Variants in ZNF383 observed in about 807,000 individuals in gnomAD.
ZNF383 encodes zinc finger protein 383.
A neutral mutation model predicts 44.2 loss-of-function variants in ZNF383; 32 were observed. The ratio of observed to expected loss-of-function variants is 0.72; its 90% CI spans 0.55 to 0.97. The LOEUF (loss-of-function observed/expected upper bound fraction) is 0.97, where lower values mean the gene tolerates loss of function less well. Ranked by LOEUF, ZNF383 falls within the 50% of genes least tolerant of loss-of-function variation. The pLI is 0.00. For synonymous variants in ZNF383, 155 were observed against 186.2 expected, an observed-to-expected ratio of 0.83 and a Z score of 1.36; for missense variants, 487 against 562.5, an observed-to-expected ratio of 0.87 and a Z score of 1.36.
chr19:37,228,196 C>T (rs1437023187), intron 2 of ZNF383, among the ~76,000 whole-genome samples: 1 of 152,216 alleles, frequency 6.6e-6, no homozygotes, highest in Non-Finnish European at 1.5e-5. Context: ...CAGGTACTGG[C>T]GTTACCGGTA....
intron 2 of ZNF383, among the ~76,000 whole-genome samples, chr19:37,229,249 G>T (rs1973334884): frequency 6.6e-6 from 1 of 150,406 alleles, no homozygotes. Flanking sequence ...CCACCTCCTG[G>T]GTTCAAGTGA....
chr19:37,221,955 C>CAA (rs71177435), intron 1 of ZNF383, among the ~76,000 whole-genome samples: 2,841 of 93,712 alleles, frequency 0.03, 122 homozygotes, highest in African/African-American at 0.087. Context: ...GACTCTGTCT[C>CAA]AAAAAAAAAA....
chr19:37,248,272 A>C lies in ZNF383; in HGVS notation c.*4608A>C, dbSNP rs1357897692. 6.6e-6 allele frequency: 1 copy of C among 152,248 alleles called. No homozygotes were observed. Among genetic ancestry groups the C allele is most frequent in the Non-Finnish European group, 1.5e-5 (1 of 68,050 alleles). 9.4% of individuals were successfully genotyped at this position (152,248 alleles called of 1,614,324 possible). A position where few individuals can be genotyped will look rare whatever the true frequency, so the allele number is the denominator to read the frequency against. ...CTTAGGAAACTCTTCTAGGACATAG[A>C]CTGAGATAGCAAATTATCTATTTTT... On this transcript the variant is annotated 3_prime_UTR_variant, in exon 6 of 6. Coordinates refer to ENST00000684119, the MANE Select transcript of ZNF383 (RefSeq NM_001387601.1).
chr19:37,247,335 A>T lies in ZNF383; in HGVS notation c.*3671A>T, dbSNP rs915762527. On this transcript the variant is annotated 3_prime_UTR_variant, in exon 6 of 6. Coordinates refer to ENST00000684119, the MANE Select transcript of ZNF383 (RefSeq NM_001387601.1). ...AAAGTTTAGTGATTCCAGAGGTGAA[A>T]TAAGGATGACAAATAAACAATATTG... 1 of 152,218 alleles carries T rather than the reference A, an allele frequency of 6.6e-6. No homozygotes were observed. Among genetic ancestry groups the T allele is most frequent in the African/African-American group, 2.4e-5 (1 of 41,446 alleles). 9.4% of individuals were successfully genotyped at this position (152,218 alleles called of 1,614,324 possible).
chr19:37,244,942 T>G lies in ZNF383; in HGVS notation c.*1278T>G, dbSNP rs1265048203. ...ATTTTTATTATTTTCATGACATATT[T>G]AATGACTTTAAAATGACTATTCCCA... On this transcript the variant is annotated 3_prime_UTR_variant, in exon 6 of 6. Transcript: ENST00000684119. The G allele has an allele frequency of 6.6e-6, 1 of 152,216 alleles. No individual in the cohort carries two copies. The allele number at this position is 152,216 out of a possible 1,614,324, so 9.4% of individuals were successfully genotyped here. A position where few individuals can be genotyped will look rare whatever the true frequency, so the allele number is the denominator to read the frequency against.
intron 1 of ZNF383, among the ~76,000 whole-genome samples, chr19:37,223,723 A>G (rs989640067): frequency 6.6e-6 from 1 of 152,114 alleles, no homozygotes; most frequent in Non-Finnish European, 1.5e-5. Context: ...TATAGCTGTA[A>G]ATGCATATGT....
intron 1 of ZNF383, 73 bp downstream of exon 1, chr19:37,218,347 A>G (rs1423316962): frequency 6.6e-6 from 1 of 152,416 alleles, no homozygotes; most frequent in Non-Finnish European, 1.5e-5. Flanking sequence ...TGTGTCGGGC[A>G]TGTATGAGTT....
intron 3 of ZNF383, among the ~76,000 whole-genome samples, chr19:37,233,384 G>A (rs1016796007): frequency 1.3e-5 from 2 of 151,188 alleles, no homozygotes; most frequent in Non-Finnish European, 2.9e-5. Context: ...GCCTGCCTTG[G>A]CCTCCCAAAG....
At position 37,247,968 on chromosome 19, in the gene ZNF383, CT is replaced by C. The variant is rs1282770543; in HGVS notation, c.*4305del. On this transcript the variant is annotated 3_prime_UTR_variant, in exon 6 of 6. Coordinates refer to ENST00000684119, the MANE Select transcript of ZNF383 (RefSeq NM_001387601.1). Reference sequence around the variant, plus strand: ...TGACCAACATGGAGAAACCCTGTCTCTACTAAAAATACAAAAAATTAGCCGG... The same window carrying C: ...TGACCAACATGGAGAAACCCTGTCTCACTAAAAATACAAAAAATTAGCCGG... The C allele has an allele frequency of 6.6e-6, 1 of 152,062 alleles. No homozygotes were observed. The highest frequency in any genetic ancestry group is 1.5e-5 in the Non-Finnish European group (1 of 68,048). 9.4% of individuals were successfully genotyped at this position (152,062 alleles called of 1,614,324 possible). A position where few individuals can be genotyped will look rare whatever the true frequency, so the allele number is the denominator to read the frequency against.
At chr19:37,242,363 T>C (rs887345040) in intron 5 of ZNF383, 106 bp from the exon 6 acceptor site, 1 of 682,534 alleles carries the variant, frequency 1.5e-6, no homozygotes, top group African/African-American at 1.8e-5. Context: ...CCTGTGTCAT[T>C]TACCTAGTAG....
At chr19:37,230,562 A>G in intron 3 of ZNF383, 100 bp downstream of exon 3, 1 of 1,355,190 alleles carries the variant, frequency 7.4e-7, no homozygotes, top group South Asian at 1.2e-5. Flanking sequence ...TGGCTAACAG[A>G]GTTCCCCTTC....
intron 1 of ZNF383, among the ~76,000 whole-genome samples, chr19:37,223,890 C>T (rs1210321724): frequency 6.6e-6 from 1 of 151,866 alleles, no homozygotes; most frequent in African/African-American, 2.4e-5. Flanking sequence ...AAAAAAGTAG[C>T]CAGGTATGGT....
intron 2 of ZNF383, chr19:37,227,676 C>T (rs1013716035): frequency 6.6e-6 from 1 of 152,286 alleles, no homozygotes; most frequent in African/African-American, 2.4e-5. Flanking sequence ...AATGCCTGGT[C>T]GCGCTGTTAT....
chr19:37,233,378 GC>G (rs1973600215), intron 3 of ZNF383, among the ~76,000 whole-genome samples: 1 of 151,292 alleles, frequency 6.6e-6, no homozygotes. Context: ...TGATCTGCCT[GC>G]CTTGGCCTCC....
rs150416642 is a variant in ZNF383, at chr19:37,229,382, C to T, written c.-45-1027C>T. On this transcript the variant is annotated intron_variant, in intron 2 of 5. Transcript: ENST00000684119. The stretch of plus-strand genomic sequence containing the variant: ...CCATGTTGATCAGGCTGGTCTCGAA[C>T]TCCCGACCTCAGGTGGTCTACTTGC... Among the ~76,000 whole-genome samples, 505 of 149,342 alleles carry T rather than the reference C, an allele frequency of 3.4e-3. 7 individuals carry two copies. The highest frequency in any genetic ancestry group is 0.012 in the African/African-American group (484 of 40,654).
chr19:37,244,551 G>A lies in ZNF383; in HGVS notation c.*887G>A, dbSNP rs2145552576. The stretch of plus-strand genomic sequence containing the variant: ...TGCCACAACACCCGGCTAATTTTTT[G>A]TATTTTTAGTAGAGACGGGGTTTCA... On this transcript the variant is annotated 3_prime_UTR_variant, in exon 6 of 6. Coordinates refer to ENST00000684119, the MANE Select transcript of ZNF383 (RefSeq NM_001387601.1). 6.6e-6 allele frequency: 1 copy of A among 151,590 alleles called. No homozygotes were observed. Among genetic ancestry groups the A allele is most frequent in the African/African-American group, 2.4e-5 (1 of 41,298 alleles). The allele number at this position is 151,590 out of a possible 1,614,324, so 9.4% of individuals were successfully genotyped here.
At chr19:37,226,570 C>G (rs1473622243) in intron 2 of ZNF383, 1 of 152,184 alleles carries the variant, frequency 6.6e-6, no homozygotes, top group Non-Finnish European at 1.5e-5. Flanking sequence ...TGTAATCATA[C>G]AGTATGTAGT....
At chr19:37,223,902 G>C (rs1007141264) in intron 1 of ZNF383, among the ~76,000 whole-genome samples, 1 of 151,992 alleles carries the variant, frequency 6.6e-6, no homozygotes, top group Admixed American at 6.6e-5. Context: ...AGGTATGGTG[G>C]CGGGCACCTG....
chr19:37,225,892 C>T (rs185103429), intron 2 of ZNF383, among the ~76,000 whole-genome samples: 295 of 150,820 alleles, frequency 2.0e-3, no homozygotes, highest in South Asian at 6.7e-3. Flanking sequence ...TGGGTTCAAG[C>T]GATTCCCCTG....
Sources: allele counts gnomAD v4.1 joint callset (sites outside exome capture counted in the v4.1 genomes callset), GRCh38; gene constraint gnomAD v4.1.1; transcripts MANE v1.5; gene names NCBI Gene and HGNC (gene_info 2026-07-23, HGNC 2026-07-21).